The following KIF6 variants were observed in gnomAD, a reference collection of about 807,000 sequenced individuals.
KIF6 encodes the protein kinesin family member 6, also known as kinesin-like protein KIF6.
KIF6 carries 106 observed loss-of-function variants against 112.7 expected under a neutral mutation model. That is an observed-to-expected ratio of 0.94 (90% CI 0.80 to 1.11). KIF6 has a LOEUF of 1.11. KIF6 is among the 50% of genes least tolerant of loss of function. The pLI is 0.00. For missense variants in KIF6, 929 were observed against 964.0 expected (o/e 0.96, Z 0.48); for synonymous variants, 339 against 339.9 (o/e 1.00, Z 0.03).
rs577471095 is a variant in KIF6, at chr6:39,679,719, A to G, written c.251+34973T>C. Among the ~76,000 whole-genome samples, 13 of 149,196 alleles carry G rather than the reference A, an allele frequency of 8.7e-5. No homozygotes were observed. The South Asian group carries it at 2.8e-3, about 32-fold the overall frequency. On this transcript the variant is annotated intron_variant, in intron 3 of 22. Transcript: ENST00000287152. ...TAACCTCCACCTCCTGGGTTCAAGC[A>G]ATTCTCTTGCCTCAGCCTCCCGAGT...
intron 10 of KIF6, among the ~76,000 whole-genome samples, chr6:39,561,094 A>T (rs1033218118): frequency 6.6e-6 from 1 of 152,218 alleles, no homozygotes. Context: ...TCAGCATCAA[A>T]CCAGAAAGCA....
chr6:39,518,636 T>C (rs1777205087), intron 13 of KIF6, among the ~76,000 whole-genome samples: 1 of 152,180 alleles, frequency 6.6e-6, no homozygotes, highest in Admixed American at 6.5e-5. Flanking sequence ...GGAAAAGATG[T>C]CATGTATATA....
chr6:39,442,553 G>A (rs1427852428), intron 13 of KIF6, among the ~76,000 whole-genome samples: 1 of 152,178 alleles, frequency 6.6e-6, no homozygotes, highest in Non-Finnish European at 1.5e-5. Flanking sequence ...AGCCAGCTTA[G>A]GCATCTGGAG....
At chr6:39,527,393 C>G (rs549740711) in intron 13 of KIF6, among the ~76,000 whole-genome samples, 1 of 152,086 alleles carries the variant, frequency 6.6e-6, no homozygotes, top group Admixed American at 6.6e-5. Flanking sequence ...ATTTCCTAAA[C>G]TATTTACTTG....
intron 10 of KIF6, among the ~76,000 whole-genome samples, chr6:39,547,854 T>C (rs1779147402): frequency 6.6e-6 from 1 of 152,226 alleles, no homozygotes; most frequent in Admixed American, 6.5e-5. Context: ...CCTCTCTTGA[T>C]GGACACTGAG....
At chr6:39,534,134 A>G (rs1311340457) in intron 13 of KIF6, among the ~76,000 whole-genome samples, 3 of 152,228 alleles carry the variant, frequency 2.0e-5, no homozygotes, top group Non-Finnish European at 4.4e-5. Context: ...GAAAAACTGG[A>G]AACTCTAAAA....
At chr6:39,626,113 C>T (rs1199868312) in intron 5 of KIF6, among the ~76,000 whole-genome samples, 1 of 152,152 alleles carries the variant, frequency 6.6e-6, no homozygotes, top group Non-Finnish European at 1.5e-5. Context: ...GGAGCCTACT[C>T]CAGTCTTCTC....
chr6:39,423,674 T>C lies in KIF6; in HGVS notation c.1755-3671A>G, dbSNP rs192739584. On this transcript the variant is annotated intron_variant, in intron 14 of 22. Transcript: ENST00000287152. The stretch of plus-strand genomic sequence containing the variant: ...TGAACACCTCCCCTGTTTTTCCTGT[T>C]GTTCCTGTCTCAATGCACAGCACCA... Among the ~76,000 whole-genome samples, 6 of 152,236 alleles carry C rather than the reference T, an allele frequency of 3.9e-5. No homozygotes were observed. In the East Asian group the frequency reaches 7.8e-4, roughly 20 times the overall value.
chr6:39,562,966 G>T (rs1333832178), intron 10 of KIF6, among the ~76,000 whole-genome samples: 1 of 152,122 alleles, frequency 6.6e-6, no homozygotes, highest in African/African-American at 2.4e-5. Flanking sequence ...GGCTGGGTGT[G>T]GTGGCTCACA....
At chr6:39,534,001 C>T (rs1391838280) in intron 13 of KIF6, among the ~76,000 whole-genome samples, 1 of 152,182 alleles carries the variant, frequency 6.6e-6, no homozygotes, top group Admixed American at 6.5e-5. Context: ...AGCTGAGGGT[C>T]CTGTCTGTTA....
At chr6:39,353,549 C>A (rs1562122193) in intron 19 of KIF6, among the ~76,000 whole-genome samples, 1 of 152,186 alleles carries the variant, frequency 6.6e-6, no homozygotes, top group Non-Finnish European at 1.5e-5. Flanking sequence ...TTAAAAATAT[C>A]TTTTGCAGAG....
In KIF6 at chr6:39,659,293, T is replaced by C. The variant is rs969877840; in HGVS notation, c.252-19536A>G. Reference sequence around the variant, plus strand: ...TGCTACATATAGAAAATATATGTCCTATTTTGTTACGGTATTTGGAAAATT... The same window carrying C: ...TGCTACATATAGAAAATATATGTCCCATTTTGTTACGGTATTTGGAAAATT... On this transcript the variant is annotated intron_variant, in intron 3 of 22. Coordinates refer to ENST00000287152, the MANE Select transcript of KIF6 (RefSeq NM_145027.6). 4.6e-5 allele frequency among the ~76,000 whole-genome samples: 7 copies of C among 152,236 alleles called. 1 individual carries two copies. In the East Asian group the frequency reaches 1.3e-3, roughly 29 times the overall value.
At chr6:39,560,185 A>G (rs1779937909) in intron 10 of KIF6, among the ~76,000 whole-genome samples, 1 of 152,182 alleles carries the variant, frequency 6.6e-6, no homozygotes, top group South Asian at 2.1e-4. Context: ...TCATTAACTC[A>G]TTTACCAGTA....
chr6:39,700,578 G>C (rs1384205783), intron 3 of KIF6, among the ~76,000 whole-genome samples: 4 of 152,172 alleles, frequency 2.6e-5, no homozygotes, highest in Non-Finnish European at 2.9e-5. Context: ...TTCATGGTAA[G>C]TTCATAATTC....
intron 10 of KIF6, among the ~76,000 whole-genome samples, chr6:39,563,071 T>C (rs1327255117): frequency 1.3e-5 from 2 of 152,022 alleles, no homozygotes. Context: ...TGAAACACCA[T>C]CTCTACCAAA....
chr6:39,447,610 C>G (rs1772411705), intron 13 of KIF6, among the ~76,000 whole-genome samples: 1 of 151,984 alleles, frequency 6.6e-6, no homozygotes. Context: ...GTGTGACTGG[C>G]AGCGTAGGGG....
At chr6:39,514,170 G>A (rs1247884065) in intron 13 of KIF6, among the ~76,000 whole-genome samples, 2 of 151,886 alleles carry the variant, frequency 1.3e-5, no homozygotes, top group Non-Finnish European at 2.9e-5. Flanking sequence ...TTCTTAAAAG[G>A]GGATCCCCAA....
At chr6:39,467,574 C>T (rs925723593) in intron 13 of KIF6, among the ~76,000 whole-genome samples, 5 of 152,170 alleles carry the variant, frequency 3.3e-5, no homozygotes, top group Admixed American at 1.3e-4. Flanking sequence ...AGGCTATGCC[C>T]TCTGAGGAAC....
intron 3 of KIF6, among the ~76,000 whole-genome samples, chr6:39,698,536 A>C (rs576704237): frequency 6.6e-6 from 1 of 152,334 alleles, no homozygotes; most frequent in Non-Finnish European, 1.5e-5. Flanking sequence ...ATAGATGAAG[A>C]ATATTTTATT....
Sources: gnomAD v4.1 joint callset for allele counts (sites outside exome capture counted in the v4.1 genomes callset) on GRCh38, gnomAD v4.1.1 for gene constraint, MANE v1.5 for transcripts, NCBI Gene and HGNC (gene_info 2026-07-23, HGNC 2026-07-21) for gene names.